MIS18BP1: variants seen among roughly 807,000 people sequenced by gnomAD.
The protein encoded by MIS18BP1 is mis18-binding protein 1.
Under a neutral mutation model 116.1 loss-of-function variants are expected in MIS18BP1, and 72 were observed. That is an observed-to-expected ratio of 0.62 (90% CI 0.51 to 0.75). The LOEUF is 0.75. MIS18BP1 is among the 30% of genes least tolerant of loss of function. The pLI is 0.00. For missense variants in MIS18BP1, 1,363 were observed against 1,303.2 expected, an observed-to-expected ratio of 1.05 and a Z score of -0.71; for synonymous variants, 386 against 427.0, an observed-to-expected ratio of 0.90 and a Z score of 1.18.
At chr14:45,204,269 A>C in intron 16 of MIS18BP1, 57 bp from the exon 17 acceptor site, 1 of 1,541,704 alleles carries the variant, frequency 6.5e-7, no homozygotes, top group Non-Finnish European at 8.8e-7. Context: ...TTTCAATAAA[A>C]CTGAAAACAA....
intron 12 of MIS18BP1, among the ~76,000 whole-genome samples, chr14:45,217,973 T>G (rs1890868887): frequency 6.6e-6 from 1 of 152,188 alleles, no homozygotes; most frequent in South Asian, 2.1e-4. Flanking sequence ...TCTCATAAAT[T>G]ACTTGGGGAT....
chr14:45,252,929 A>G (rs1348457678), intron 1 of MIS18BP1, 106 bp downstream of exon 1: 1 of 152,230 alleles, frequency 6.6e-6, no homozygotes, highest in East Asian at 1.9e-4. Context: ...GAAATCTACA[A>G]AAAAAATAAA....
At position 45,242,669 on chromosome 14, in the gene MIS18BP1, A is replaced by C. The variant is rs150495842; in HGVS notation, c.658+92T>G. ...ACGATTCAAGCTTTTGTCCACAGCT[A>C]AAGTTTAATGCCCACACAAGGAAAG... On this transcript the variant is annotated intron_variant, in intron 3 of 16. Coordinates refer to ENST00000310806, the MANE Select transcript of MIS18BP1 (RefSeq NM_018353.5). The C allele has an allele frequency of 1.4e-4, 210 of 1,453,774 alleles. No homozygotes were observed. In the African/African-American group the frequency reaches 2.4e-3, roughly 17 times the overall value. The allele number at this position is 1,453,774 out of a possible 1,614,324, so 90.1% of individuals were successfully genotyped here.
At chr14:45,216,122 A>G (rs1462946533) in intron 13 of MIS18BP1, among the ~76,000 whole-genome samples, 1 of 152,244 alleles carries the variant, frequency 6.6e-6, no homozygotes, top group East Asian at 1.9e-4. Flanking sequence ...TTGGATATAC[A>G]GATTGTTTCC....
At chr14:45,239,743 T>A (rs1891525178) in intron 4 of MIS18BP1, among the ~76,000 whole-genome samples, 1 of 152,124 alleles carries the variant, frequency 6.6e-6, no homozygotes, top group Non-Finnish European at 1.5e-5. Context: ...AAAGCAATAC[T>A]GGAAGCAGGG....
At chr14:45,240,749 A>T (rs1378016535) in intron 4 of MIS18BP1, among the ~76,000 whole-genome samples, 3 of 152,074 alleles carry the variant, frequency 2.0e-5, no homozygotes, top group Admixed American at 2.0e-4. Context: ...AAAAAAAAAA[A>T]AATTTAGCCG....
In MIS18BP1 at chr14:45,210,424, A is replaced by C. The variant is rs374526521; in HGVS notation, c.3108T>G (p.Pro1036=). The change falls in exon 14 of 17, where the codon CCT becomes CCG. Residue 1036 remains proline (P), a synonymous_variant. Transcript: ENST00000310806. ...TGCCAGGACTGACATGCTGACATTG[A>C]GGAGTTTTTACCAATGGAAAGATAA... is the stretch of plus-strand genomic sequence containing the variant. The part of the protein sequence containing the change: ...SSVIFPLVKT[P]QCQHVSPGML... 1.4e-5 allele frequency: 22 copies of C among 1,613,912 alleles called. No individual in the cohort carries two copies. The African/African-American group carries it at 2.9e-4, about 22-fold the overall frequency.
chr14:45,247,434 G>A, intron 1 of MIS18BP1, 57 bp from the exon 2 acceptor site: 1 of 599,152 alleles, frequency 1.7e-6, no homozygotes, highest in Admixed American at 3.5e-5. Flanking sequence ...AATGTTTAAA[G>A]TTTATTTGCT....
intron 4 of MIS18BP1, 120 bp downstream of exon 4, chr14:45,241,914 A>G: frequency 9.4e-7 from 1 of 1,060,214 alleles, no homozygotes; most frequent in Non-Finnish European, 1.4e-6. Context: ...ACTGTTAATA[A>G]TGAAGCATAC....
At chr14:45,206,209 T>A in intron 14 of MIS18BP1, 39 bp from the exon 15 acceptor site, 1 of 1,382,662 alleles carries the variant, frequency 7.2e-7, no homozygotes. Context: ...AACAATATTT[T>A]TAAGTCAACC....
At chr14:45,245,948 TTCC>T (rs1481452821) in intron 2 of MIS18BP1, among the ~76,000 whole-genome samples, 6 of 152,194 alleles carry the variant, frequency 3.9e-5, no homozygotes, top group African/African-American at 1.4e-4. Flanking sequence ...CCGCACTCCA[TTCC>T]TCCTTCCGTC....
At chr14:45,248,014 T>C (rs377021837) in intron 1 of MIS18BP1, among the ~76,000 whole-genome samples, 102 of 151,720 alleles carry the variant, frequency 6.7e-4, no homozygotes, top group African/African-American at 2.3e-3. Context: ...TTAGCAGAAA[T>C]ACTGTACTTG....
In MIS18BP1 at chr14:45,242,072, T is replaced by A. The variant is rs778457447; in HGVS notation, c.1105A>T (p.Ile369Leu). 6.2e-7 allele frequency: 1 copy of A among 1,613,034 alleles called. No homozygotes were observed. Residue 369 changes from isoleucine to leucine, a missense_variant, in exon 4 of 17, where the codon ATA becomes TTA. Transcript: ENST00000310806. Reference sequence around the variant, plus strand: ...AGTCCATTTGTAACAGTTTGAAATATTCTTGGAGGAGAAAGCTTTGAAATA... The same window carrying A: ...AGTCCATTTGTAACAGTTTGAAATAATCTTGGAGGAGAAAGCTTTGAAATA... ...RNISKLSPPRIFQTVTNGLKK... is the reference protein window; with the variant it reads ...RNISKLSPPRLFQTVTNGLKK...
At position 45,232,786 on chromosome 14, in the gene MIS18BP1, A is replaced by G. The variant is rs890691928; in HGVS notation, c.1383T>C (p.Phe461=). The change falls in exon 7 of 17, where the codon TTT becomes TTC. Residue 461 remains phenylalanine, a synonymous_variant. Coordinates refer to ENST00000310806, the MANE Select transcript of MIS18BP1 (RefSeq NM_018353.5). ...YPNYLIRKFM[F]GFPENWKEHI... ...GCTCTTTCCAATTTTCTGGAAATCC[A>G]AACATAAATTTCCTTATGAGATAAT... The G allele has an allele frequency of 1.4e-6, 2 of 1,476,300 alleles. No individual in the cohort carries two copies. Among genetic ancestry groups the G allele is most frequent in the Admixed American group, 2.1e-5 (1 of 48,730 alleles). The allele number at this position is 1,476,300 out of a possible 1,614,324, so 91.5% of individuals were successfully genotyped here.
intron 15 of MIS18BP1, among the ~76,000 whole-genome samples, chr14:45,205,350 C>G (rs1255864316): frequency 6.6e-6 from 1 of 152,064 alleles, no homozygotes; most frequent in African/African-American, 2.4e-5. Context: ...TGTCATAAAG[C>G]AAGGGAATCA....
At chr14:45,209,249 A>G (rs1890610221) in intron 14 of MIS18BP1, among the ~76,000 whole-genome samples, 1 of 152,176 alleles carries the variant, frequency 6.6e-6, no homozygotes, top group African/African-American at 2.4e-5. Context: ...ACAGTAGTAT[A>G]TTATTCACTG....
At chr14:45,232,844 A>T in intron 6 of MIS18BP1, 24 bp from the exon 7 acceptor site, 1 of 1,049,494 alleles carries the variant, frequency 9.5e-7, no homozygotes, top group South Asian at 1.4e-5. Context: ...AACAACAACA[A>T]AAAGTATTTA....
chr14:45,239,604 C>G (rs572552050), intron 4 of MIS18BP1, among the ~76,000 whole-genome samples: 8 of 152,104 alleles, frequency 5.3e-5, no homozygotes, highest in African/African-American at 1.9e-4. Context: ...TTAGTGTTTT[C>G]TATTGAGATG....
At chr14:45,215,043 G>T (rs536730451) in intron 13 of MIS18BP1, among the ~76,000 whole-genome samples, 1 of 152,146 alleles carries the variant, frequency 6.6e-6, no homozygotes, top group Non-Finnish European at 1.5e-5. Flanking sequence ...GAGCCACCAT[G>T]CCCGGCAGTT....
Sources: gnomAD v4.1 joint callset for allele counts (sites outside exome capture counted in the v4.1 genomes callset) on GRCh38, gnomAD v4.1.1 for gene constraint, MANE v1.5 for transcripts, NCBI Gene and HGNC (gene_info 2026-07-23, HGNC 2026-07-21) for gene names.